TMEM67: variants seen among roughly 807,000 people sequenced by gnomAD.
TMEM67 encodes the protein meckelin.
A neutral mutation model predicts 136.6 loss-of-function variants in TMEM67; 124 were observed. That is an observed-to-expected ratio of 0.91 (90% CI 0.78 to 1.05). The LOEUF is 1.05. TMEM67 is among the 50% of genes least tolerant of loss of function. The pLI, the probability that TMEM67 is intolerant of heterozygous loss-of-function variation, is 0.00. For missense variants in TMEM67, 1,107 were observed against 1,178.4 expected, an observed-to-expected ratio of 0.94 and a Z score of 0.89; for synonymous variants, 364 against 390.5, an observed-to-expected ratio of 0.93 and a Z score of 0.80.
Position 93,804,816 on chromosome 8 carries a change from T to G in TMEM67, c.2377T>G (p.Ser793Ala). 6.2e-7 allele frequency: 1 copy of G among 1,608,644 alleles called. No individual in the cohort carries two copies. Among genetic ancestry groups the G allele is most frequent in the Non-Finnish European group, 8.5e-7 (1 of 1,175,370 alleles). The change falls in exon 23 of 28, where the codon TCA (serine) becomes GCA (alanine). Residue 793 changes from serine to alanine, a missense_variant. By Grantham distance (99) the Ser-to-Ala change is moderately conservative. Coordinates refer to ENST00000453321, the MANE Select transcript of TMEM67 (RefSeq NM_153704.6). ...TTTTGGATATTACATTCATGGTAGA[T>G]CAGTACATGGGCATGCAGATACTAA... ...KCFGYYIHGR[S>A]VHGHADTNME...
intron 7 of TMEM67, 48 bp downstream of exon 7, chr8:93,772,699 T>C (rs1156803754): frequency 7.1e-7 from 1 of 1,402,802 alleles, no homozygotes; most frequent in Non-Finnish European, 1.0e-6. Context: ...TGAAGAATTA[T>C]ACCATTTATT....
At chr8:93,779,766 C>T (rs1372241495) in intron 7 of TMEM67, among the ~76,000 whole-genome samples, 1 of 152,146 alleles carries the variant, frequency 6.6e-6, no homozygotes, top group African/African-American at 2.4e-5. Context: ...GAGGGGCGCC[C>T]ACCTGTATGA....
chr8:93,772,491 A>G (rs551344822), intron 6 of TMEM67, 98 bp from the exon 7 acceptor site: 2 of 883,548 alleles, frequency 2.3e-6, no homozygotes, highest in East Asian at 2.5e-5. Context: ...CTGTTTTTCT[A>G]CTAACATTGT....
intron 7 of TMEM67, among the ~76,000 whole-genome samples, chr8:93,778,053 T>C (rs988624039): frequency 1.5e-4 from 23 of 152,246 alleles, no homozygotes; most frequent in Admixed American, 1.3e-4. Flanking sequence ...TGGGTGCATA[T>C]ATATTTAGGA....
intron 4 of TMEM67, among the ~76,000 whole-genome samples, chr8:93,764,523 CA>C (rs1812995699): frequency 1.3e-5 from 2 of 152,048 alleles, no homozygotes; most frequent in Non-Finnish European, 1.5e-5. Flanking sequence ...CACACACACA[CA>C]CCCCTGCCTG....
chr8:93,776,088 C>T (rs1449044729), intron 7 of TMEM67, among the ~76,000 whole-genome samples: 3 of 152,092 alleles, frequency 2.0e-5, no homozygotes, highest in African/African-American at 7.2e-5. Flanking sequence ...AAGTTGGATT[C>T]CTAGGTATTT....
At chr8:93,828,971 CATT>C in the TMEM67 span, among the ~76,000 whole-genome samples, 8 of 152,102 alleles carry the variant, frequency 5.3e-5, no homozygotes, top group Admixed American at 1.3e-4. Flanking sequence ...TTTCTTGTAA[CATT>C]ATGTGTATAT....
intron 25 of TMEM67, 103 bp from the exon 26 acceptor site, chr8:93,809,682 T>C (rs937867514): frequency 1.4e-6 from 1 of 713,534 alleles, no homozygotes. Context: ...ATTTTCTTTA[T>C]ATACTATTCA....
At position 93,754,993 on chromosome 8, in the gene TMEM67, C is replaced by G; in HGVS notation, c.79C>G (p.Leu27Val). 1 of 1,614,240 alleles carries G rather than the reference C, an allele frequency of 6.2e-7. No homozygotes were observed. The highest frequency in any genetic ancestry group is 8.5e-7 in the Non-Finnish European group (1 of 1,180,036). The change falls in exon 1 of 28, where the codon CTG becomes GTG. Residue 27 changes from leucine to valine, a missense_variant. Leu to Val is a conservative substitution (Grantham distance 32). Around this residue, in one of 3 missense-constraint regions of TMEM67, gnomAD observed 178 missense variants for 159.2 expected, o/e 1.12. Transcript: ENST00000453321. ...CGCCCGGGCCGTGACCGCGTTCCTT[C>G]TGTTGTTCCTCCCTCGCTTCTTACA... ...LSARAVTAFL[L>V]LFLPRFLQAQ... is the part of the protein sequence containing the mutation.
chr8:93,808,464 T>TATCTATAATAGATCAATTATAG (rs1554559286), intron 23 of TMEM67, among the ~76,000 whole-genome samples: 1 of 60,168 alleles, frequency 1.7e-5, no homozygotes, highest in Admixed American at 2.0e-4. Context: ...AATATATATT[T>TATCTATAATAGATCAATTATAG]ATCTATTATA....
chr8:93,795,278 A>G (rs1428309237), intron 16 of TMEM67, 131 bp from the exon 17 acceptor site: 5 of 799,854 alleles, frequency 6.3e-6, no homozygotes, highest in Non-Finnish European at 1.1e-5. Flanking sequence ...TAGCTGGATC[A>G]TATGGGGATA....
chr8:93,769,979 C>G (rs1286808063), intron 6 of TMEM67, among the ~76,000 whole-genome samples: 1 of 152,156 alleles, frequency 6.6e-6, no homozygotes, highest in Non-Finnish European at 1.5e-5. Flanking sequence ...TCATCCTACT[C>G]TTGGAATATA....
At chr8:93,781,603 A>C in intron 9 of TMEM67, 55 bp from the exon 10 acceptor site, 1 of 779,906 alleles carries the variant, frequency 1.3e-6, no homozygotes, top group Non-Finnish European at 2.1e-6. Flanking sequence ...TCTTTATAGG[A>C]TATTGTATTA....
At chr8:93,755,360 T>G (rs1812522063) in intron 1 of TMEM67, among the ~76,000 whole-genome samples, 1 of 152,168 alleles carries the variant, frequency 6.6e-6, no homozygotes, top group African/African-American at 2.4e-5. Context: ...AAATGTAAAA[T>G]TTCCAGCAGC....
chr8:93,820,847 G>C (rs554049774), downstream of TMEM67, among the ~76,000 whole-genome samples: 1 of 152,290 alleles, frequency 6.6e-6, no homozygotes, highest in African/African-American at 2.4e-5. Flanking sequence ...TCATTGCTGG[G>C]TGTGCTAGAA....
intron 21 of TMEM67, 61 bp from the exon 22 acceptor site, chr8:93,803,543 G>C: frequency 9.2e-7 from 1 of 1,088,920 alleles, no homozygotes; most frequent in South Asian, 1.2e-5. Flanking sequence ...CTACACTGTG[G>C]CTGTAAAAGA....
the TMEM67 span, among the ~76,000 whole-genome samples, chr8:93,829,992 C>G: frequency 6.6e-6 from 1 of 152,098 alleles, no homozygotes; most frequent in Non-Finnish European, 1.5e-5. Context: ...GCCATAAGAC[C>G]CCCATTTCAG....
At chr8:93,806,382 G>T (rs1217885346) in intron 23 of TMEM67, among the ~76,000 whole-genome samples, 3 of 152,038 alleles carry the variant, frequency 2.0e-5, no homozygotes, top group Non-Finnish European at 4.4e-5. Context: ...GTCCTTATTA[G>T]AAATACATAC....
intron 21 of TMEM67, among the ~76,000 whole-genome samples, chr8:93,802,327 T>G (rs954692409): frequency 3.4e-5 from 5 of 148,338 alleles, no homozygotes; most frequent in Admixed American, 3.3e-4. Context: ...TTTCAACATC[T>G]TCTTGGCTAG....
Sources: allele counts gnomAD v4.1 joint callset (sites outside exome capture counted in the v4.1 genomes callset), GRCh38; gene constraint gnomAD v4.1.1; regional missense constraint gnomAD v4.1.1; transcripts MANE v1.5; gene names NCBI Gene and HGNC (gene_info 2026-07-23, HGNC 2026-07-21).